The following CDH18 variants were observed in gnomAD, a reference collection of about 807,000 sequenced individuals.
CDH18 encodes the protein cadherin 18.
CDH18 carries 31 observed loss-of-function variants against 67.9 expected under a neutral mutation model. The ratio of observed to expected loss-of-function variants is 0.46; its 90% CI spans 0.34 to 0.62. The LOEUF is 0.62. Among genes scored for constraint, CDH18 ranks in the 20% least tolerant of loss-of-function variants. The pLI is 0.01. For missense variants in CDH18, 890 were observed against 975.5 expected (o/e 0.91, Z 1.17); for synonymous variants, 362 against 347.2 (o/e 1.04, Z -0.48).
intron 8 of CDH18, among the ~76,000 whole-genome samples, chr5:19,565,997 T>G (rs1740318528): frequency 6.6e-6 from 1 of 151,976 alleles, no homozygotes; most frequent in South Asian, 2.1e-4. Flanking sequence ...AACCGGAATA[T>G]AATTGAAGCT....
At chr5:20,122,668 A>C (rs1748458037) in intron 2 of CDH18, among the ~76,000 whole-genome samples, 1 of 151,628 alleles carries the variant, frequency 6.6e-6, no homozygotes, top group African/African-American at 2.4e-5. Flanking sequence ...CTATATTCCT[A>C]CTGGTTTAGA....
At chr5:20,056,095 C>G (rs2150499344) in intron 2 of CDH18, among the ~76,000 whole-genome samples, 1 of 147,032 alleles carries the variant, frequency 6.8e-6, no homozygotes, top group South Asian at 2.2e-4. Context: ...ACCTCTGCCT[C>G]CTAGGTTCAA....
intron 11 of CDH18, among the ~76,000 whole-genome samples, chr5:19,489,729 A>T (rs58518061): frequency 0.023 from 3,456 of 152,266 alleles, 53 homozygotes; most frequent in African/African-American, 0.037. Context: ...TTGCCATTAC[A>T]TCTGTATATT....
At chr5:20,297,918 G>A (rs1312771463) in intron 1 of CDH18, among the ~76,000 whole-genome samples, 1 of 152,138 alleles carries the variant, frequency 6.6e-6, no homozygotes, top group Non-Finnish European at 1.5e-5. Flanking sequence ...TGTGGTAATA[G>A]GTTGAACATT....
rs550961465 is a variant in CDH18 at position 20,334,942 on chromosome 5, A to G, written c.-579-79437T>C. Among the ~76,000 whole-genome samples the G allele has an allele frequency of 3.3e-5, 5 of 152,308 alleles. No individual in the cohort carries two copies. The South Asian group carries it at 1.0e-3, about 32-fold the overall frequency. ...ACACAGTGAAAATTGGTCTTTCTCA[A>G]TGATGCAACAGCCACTTTGGTCAAT... On this transcript the variant is annotated intron_variant, in intron 1 of 14. Coordinates refer to the CDH18 transcript ENST00000507958.
intron 5 of CDH18, among the ~76,000 whole-genome samples, chr5:19,693,361 T>G (rs1762145090): frequency 1.3e-5 from 2 of 152,282 alleles, no homozygotes; most frequent in South Asian, 2.1e-4. Flanking sequence ...ATCAACTTAT[T>G]TTTTTGAAGA....
chr5:20,223,845 T>C (rs993215704), intron 2 of CDH18, among the ~76,000 whole-genome samples: 3 of 152,154 alleles, frequency 2.0e-5, no homozygotes, highest in African/African-American at 7.2e-5. Context: ...CTCATTCACC[T>C]TCCACCATGA....
chr5:19,952,475 A>G (rs1024362890), intron 2 of CDH18, among the ~76,000 whole-genome samples: 7 of 152,164 alleles, frequency 4.6e-5, no homozygotes, highest in Admixed American at 6.5e-5. Context: ...CTCTGCTGTC[A>G]ATCCAAAGCC....
chr5:19,922,954 T>G (rs573647189), intron 2 of CDH18, among the ~76,000 whole-genome samples: 2 of 152,236 alleles, frequency 1.3e-5, no homozygotes, highest in East Asian at 3.9e-4. Flanking sequence ...TTTTAAAAAT[T>G]TAGATTCAAT....
Position 20,437,316 on chromosome 5 carries a change from G to C in CDH18, c.-580+138146C>G, listed in dbSNP as rs1749246321. 2.0e-5 allele frequency among the ~76,000 whole-genome samples: 3 copies of C among 150,984 alleles called. No homozygotes were observed. The South Asian group carries it at 6.2e-4, about 31-fold the overall frequency. On this transcript the variant is annotated intron_variant, in intron 1 of 14. Transcript: ENST00000507958. ...AATTCTTAATTACTATATGTAACTT[G>C]ATAGAATAAAATAGACTCTTGCTTT...
chr5:19,645,513 G>A (rs1178568300), intron 5 of CDH18, among the ~76,000 whole-genome samples: 1 of 152,198 alleles, frequency 6.6e-6, no homozygotes, highest in Non-Finnish European at 1.5e-5. Flanking sequence ...TCTGCATGAA[G>A]CATTGGGTGG....
chr5:20,312,494 A>C (rs943740187), intron 1 of CDH18, among the ~76,000 whole-genome samples: 1 of 152,166 alleles, frequency 6.6e-6, no homozygotes, highest in Non-Finnish European at 1.5e-5. Flanking sequence ...TGGATGAAGA[A>C]ATGATGATTT....
intron 1 of CDH18, among the ~76,000 whole-genome samples, chr5:20,526,543 A>T (rs1756077187): frequency 6.6e-6 from 1 of 152,060 alleles, no homozygotes; most frequent in Admixed American, 6.6e-5. Flanking sequence ...TCTGGGACGA[A>T]GCTTCCGGAG....
intron 2 of CDH18, among the ~76,000 whole-genome samples, chr5:19,865,963 C>A (rs1397970426): frequency 6.6e-6 from 1 of 152,132 alleles, no homozygotes; most frequent in Non-Finnish European, 1.5e-5. Context: ...CAAATTCCCA[C>A]CAGTATCTAA....
chr5:19,962,552 T>G (rs1293072300), intron 2 of CDH18, among the ~76,000 whole-genome samples: 1 of 151,946 alleles, frequency 6.6e-6, no homozygotes, highest in Non-Finnish European at 1.5e-5. Context: ...GGTAAGCAGA[T>G]CACTTGAGAT....
intron 2 of CDH18, among the ~76,000 whole-genome samples, chr5:20,056,774 C>T (rs1742025517): frequency 6.8e-6 from 1 of 147,514 alleles, no homozygotes; most frequent in Non-Finnish European, 1.5e-5. Flanking sequence ...AGCTCCACCT[C>T]CCGGGTTCAC....
intron 3 of CDH18, 28 bp from the exon 4 acceptor site, chr5:19,747,264 C>T: frequency 6.4e-7 from 1 of 1,566,048 alleles, no homozygotes; most frequent in Non-Finnish European, 8.7e-7. Flanking sequence ...AATAATTTAG[C>T]ATATATTTAT....
chr5:20,572,010 G>A (rs1023441024), intron 1 of CDH18, among the ~76,000 whole-genome samples: 8 of 151,942 alleles, frequency 5.3e-5, no homozygotes, highest in African/African-American at 1.2e-4. Flanking sequence ...GAAAGTCTAC[G>A]GTGCAATTCA....
chr5:19,805,541 C>T (rs1321445286), intron 3 of CDH18, among the ~76,000 whole-genome samples: 1 of 152,112 alleles, frequency 6.6e-6, no homozygotes, highest in Non-Finnish European at 1.5e-5. Flanking sequence ...ACTCTTTAGC[C>T]TACATCTCTC....
Sources: allele counts gnomAD v4.1 joint callset (sites outside exome capture counted in the v4.1 genomes callset), GRCh38; gene constraint gnomAD v4.1.1; transcripts MANE v1.5; gene names NCBI Gene and HGNC (gene_info 2026-07-23, HGNC 2026-07-21).